Variants in SLC36A1 observed in about 807,000 individuals in gnomAD.
SLC36A1 encodes solute carrier family 36 member 1, also known as proton-coupled amino acid transporter 1.
A neutral mutation model predicts 47.5 loss-of-function variants in SLC36A1; 30 were observed. The observed-to-expected ratio is 0.63, with a 90% CI of 0.47 to 0.86. SLC36A1 has a LOEUF of 0.86. Among genes scored for constraint, SLC36A1 ranks in the 40% least tolerant of loss-of-function variants. The pLI is 0.00. For synonymous variants in SLC36A1, 255 were observed against 249.7 expected (o/e 1.02, Z -0.20); for missense variants, 517 against 606.0 (o/e 0.85, Z 1.54).
upstream of SLC36A1, among the ~76,000 whole-genome samples, chr5:151,433,644 G>A (rs548624295): frequency 2.6e-5 from 4 of 152,094 alleles, no homozygotes; most frequent in South Asian, 8.3e-4. Context: ...GATCAAGAGA[G>A]CAAGGAATTT....
At chr5:151,381,644 C>T in the SLC36A1 span, among the ~76,000 whole-genome samples, 1 of 152,148 alleles carries the variant, frequency 6.6e-6, no homozygotes, top group Non-Finnish European at 1.5e-5. Context: ...GGGCCCTGCA[C>T]TTGACAGATC....
At chr5:151,407,031 T>A in the SLC36A1 span, among the ~76,000 whole-genome samples, 3 of 151,778 alleles carry the variant, frequency 2.0e-5, no homozygotes, top group Non-Finnish European at 4.4e-5. Context: ...AGGTGGCGCG[T>A]CCAGAGTTGT....
chr5:151,404,972 T>C, the SLC36A1 span, among the ~76,000 whole-genome samples: 2 of 152,226 alleles, frequency 1.3e-5, no homozygotes, highest in East Asian at 3.8e-4. Flanking sequence ...ATTGACTATG[T>C]CCTCAAATAT....
the SLC36A1 span, among the ~76,000 whole-genome samples, chr5:151,358,939 A>G: frequency 7.2e-6 from 1 of 139,638 alleles, no homozygotes; most frequent in African/African-American, 2.8e-5. Flanking sequence ...GCGCCACTGC[A>G]GTCCGCAGTC....
chr5:151,454,751 C>G (rs1227519533), intron 1 of SLC36A1, among the ~76,000 whole-genome samples: 1 of 126,524 alleles, frequency 7.9e-6, no homozygotes, highest in African/African-American at 3.1e-5. Context: ...CTCGCTCTGT[C>G]GCCCAGGCTG....
At chr5:151,553,444 A>G in the SLC36A1 span, 2 of 1,509,586 alleles carry the variant, frequency 1.3e-6, no homozygotes, top group Non-Finnish European at 1.8e-6. Context: ...GGAAGACCCA[A>G]GCAGCCAGGA....
In SLC36A1 at chr5:151,479,368, C is replaced by G. The variant is rs762423161; in HGVS notation, c.1038C>G (p.Thr346=). The G allele has an allele frequency of 1.2e-6, 2 of 1,614,196 alleles. No individual in the cohort carries two copies. Among genetic ancestry groups the G allele is most frequent in the Non-Finnish European group, 8.5e-7 (1 of 1,180,018 alleles). Residue 346 remains threonine, a synonymous_variant, in exon 10 of 11, where the codon ACC becomes ACG. Transcript: ENST00000243389. The part of the protein sequence containing the change: ...KLLYSIGIFF[T]YALQFYVPAE... ...TGTACTCCATCGGGATCTTTTTCAC[C>G]TACGCACTCCAGTTCTACGTCCCGG... is the stretch of plus-strand genomic sequence containing the variant.
chr5:151,528,003 C>T, the SLC36A1 span: 57 of 1,613,986 alleles, frequency 3.5e-5, no homozygotes, highest in African/African-American at 6.3e-4. Context: ...CACCTGTTCC[C>T]GGTCCAGGGC....
In SLC36A1 at chr5:151,491,626, C is replaced by G. The variant is rs1330156708; in HGVS notation, c.*3372C>G. The G allele has an allele frequency of 1.3e-5, 2 of 152,582 alleles. No individual in the cohort carries two copies. Among genetic ancestry groups the G allele is most frequent in the Non-Finnish European group, 2.9e-5 (2 of 68,044 alleles). The allele number at this position is 152,582 out of a possible 1,614,324, so 9.5% of individuals were successfully genotyped here. A position where few individuals can be genotyped will look rare whatever the true frequency, so the allele number is the denominator to read the frequency against. ...TCTCAATTTGTGTCTGTTTACAGCT[C>G]TCTCTCCTCACTGCTCACAGCAAGG... On this transcript the variant is annotated 3_prime_UTR_variant, in exon 11 of 11. Transcript: ENST00000243389.
At chr5:151,538,804 G>A in the SLC36A1 span, among the ~76,000 whole-genome samples, 2 of 151,754 alleles carry the variant, frequency 1.3e-5, no homozygotes, top group Non-Finnish European at 2.9e-5. Context: ...AGCCTCCTAG[G>A]TAGCTGGGAG....
chr5:151,402,165 A>T, the SLC36A1 span, among the ~76,000 whole-genome samples: 1 of 152,220 alleles, frequency 6.6e-6, no homozygotes, highest in African/African-American at 2.4e-5. Flanking sequence ...TATTCCTCCG[A>T]TGCCTAGTTT....
chr5:151,542,940 G>T, the SLC36A1 span: 1 of 1,614,178 alleles, frequency 6.2e-7, no homozygotes, highest in South Asian at 1.1e-5. Flanking sequence ...CAGGTGTAGT[G>T]CCCCGCACTA....
intron 1 of SLC36A1, among the ~76,000 whole-genome samples, chr5:151,449,708 C>A (rs746788819): frequency 2.6e-5 from 4 of 152,188 alleles, no homozygotes; most frequent in Admixed American, 1.3e-4. Flanking sequence ...TAAAAACTTT[C>A]AAAGAATTAG....
intron 7 of SLC36A1, among the ~76,000 whole-genome samples, chr5:151,468,266 A>AAAAAATAT (rs55642458): frequency 4.7e-5 from 3 of 63,830 alleles, no homozygotes; most frequent in African/African-American, 2.6e-4. Flanking sequence ...AAAAAAAAAA[A>AAAAAATAT]ATATATATAT....
At chr5:151,441,329 C>T (rs1262617190) in intron 1 of SLC36A1, among the ~76,000 whole-genome samples, 1 of 152,142 alleles carries the variant, frequency 6.6e-6, no homozygotes, top group Admixed American at 6.5e-5. Context: ...GGAGTGCATA[C>T]TCTAAGGCAA....
intron 1 of SLC36A1, among the ~76,000 whole-genome samples, chr5:151,458,322 A>ATATATATACATACACTTG (rs1754947866): frequency 9.5e-6 from 1 of 105,136 alleles, no homozygotes; most frequent in African/African-American, 3.2e-5. Context: ...GTATATATAT[A>ATATATATACATACACTTG]TATATATATA....
chr5:151,404,277 C>T, the SLC36A1 span, among the ~76,000 whole-genome samples: 1 of 152,138 alleles, frequency 6.6e-6, no homozygotes, highest in Non-Finnish European at 1.5e-5. Flanking sequence ...AGACCTTTCT[C>T]CATCTCTTTA....
the SLC36A1 span, among the ~76,000 whole-genome samples, chr5:151,347,076 C>T: frequency 6.6e-6 from 1 of 152,212 alleles, no homozygotes; most frequent in Admixed American, 6.5e-5. Context: ...TCAGTTTCCC[C>T]ACCTGTGCCT....
At chr5:151,360,446 T>C in the SLC36A1 span, among the ~76,000 whole-genome samples, 81,489 of 151,914 alleles carry the variant, frequency 0.54, 24,848 homozygotes, top group African/African-American at 0.84. Context: ...ATCATGTAAT[T>C]TTCATCTTCA....
Sources: gnomAD v4.1 joint callset for allele counts (sites outside exome capture counted in the v4.1 genomes callset) on GRCh38, gnomAD v4.1.1 for gene constraint, MANE v1.5 for transcripts, NCBI Gene and HGNC (gene_info 2026-07-23, HGNC 2026-07-21) for gene names.